TSNARE1: variants seen among roughly 807,000 people sequenced by gnomAD.
TSNARE1 encodes the protein t-SNARE domain containing 1.
Under a neutral mutation model 62.0 loss-of-function variants are expected in TSNARE1, and 49 were observed. That is an observed-to-expected ratio of 0.79 (90% CI 0.63 to 1.00). The LOEUF is 1.00. Among genes scored for constraint, TSNARE1 ranks in the 50% least tolerant of loss-of-function variants. The pLI, the probability that TSNARE1 is intolerant of heterozygous loss-of-function variation, is 0.00. For missense variants in TSNARE1, 755 were observed against 700.1 expected (o/e 1.08, Z -0.88); for synonymous variants, 328 against 294.4 (o/e 1.11, Z -1.17).
chr8:142,308,843 G>A (rs527948005), intron 9 of TSNARE1, among the ~76,000 whole-genome samples: 1 of 152,274 alleles, frequency 6.6e-6, no homozygotes, highest in East Asian at 1.9e-4. Flanking sequence ...TGAGCCTACA[G>A]ATTCACTGGG....
At chr8:142,224,848 A>G (rs1401444308) in intron 13 of TSNARE1, among the ~76,000 whole-genome samples, 2 of 152,136 alleles carry the variant, frequency 1.3e-5, no homozygotes, top group African/African-American at 4.8e-5. Context: ...GTCTGGGCAG[A>G]GCAGTCAGGA....
At chr8:142,398,998 A>T (rs1420660859) in intron 1 of TSNARE1, among the ~76,000 whole-genome samples, 1 of 152,240 alleles carries the variant, frequency 6.6e-6, no homozygotes, top group Admixed American at 6.5e-5. Flanking sequence ...CAGGCAGGAC[A>T]GCCACAGCTG....
chr8:142,317,470 T>C (rs1828763439), intron 7 of TSNARE1, among the ~76,000 whole-genome samples: 1 of 152,050 alleles, frequency 6.6e-6, no homozygotes, highest in Non-Finnish European at 1.5e-5. Context: ...ACTGTATACA[T>C]GAAGCAGGTA....
chr8:142,323,368 G>A (rs762354880), intron 6 of TSNARE1, among the ~76,000 whole-genome samples: 6 of 152,236 alleles, frequency 3.9e-5, no homozygotes, highest in African/African-American at 1.4e-4. Flanking sequence ...TGGGGCAGGC[G>A]AGGCGAGGAA....
intron 12 of TSNARE1, chr8:142,272,704 T>C: frequency 2.1e-6 from 2 of 949,758 alleles, no homozygotes; most frequent in Non-Finnish European, 2.4e-6. Flanking sequence ...CACAGAGGCC[T>C]CATCCCTCCT....
intron 4 of TSNARE1, among the ~76,000 whole-genome samples, chr8:142,333,137 C>T (rs1311202006): frequency 1.3e-5 from 2 of 152,228 alleles, no homozygotes; most frequent in African/African-American, 4.8e-5. Context: ...AGGGCCTGCC[C>T]TGTGCCTGGA....
chr8:142,278,638 A>C (rs1586972952), intron 11 of TSNARE1: 10 of 985,296 alleles, frequency 1.0e-5, no homozygotes, highest in Middle Eastern at 5.2e-4. Flanking sequence ...AGCCAGCGTC[A>C]CCCTTGGAGC....
intron 10 of TSNARE1, among the ~76,000 whole-genome samples, chr8:142,294,998 G>A (rs1220755601): frequency 1.3e-5 from 2 of 152,276 alleles, no homozygotes; most frequent in Admixed American, 6.5e-5. Context: ...TGGGAGGCTC[G>A]GGGCTCCAGC....
chr8:142,232,502 A>C (rs1201783960), intron 12 of TSNARE1, among the ~76,000 whole-genome samples: 1 of 152,238 alleles, frequency 6.6e-6, no homozygotes, highest in Non-Finnish European at 1.5e-5. Context: ...GCAGGGAGGC[A>C]AGGAAGCTGG....
rs566879710 is a variant in TSNARE1 at position 142,328,548 on chromosome 8, C to T, written c.893+2353G>A. On this transcript the variant is annotated intron_variant, in intron 6 of 13. Transcript: ENST00000524325. ...TCGTGGCAGGAGTGCTAACAGGCAG[C>T]ACCCCTTCTGCAGAAAGTAAAATTG... is the stretch of plus-strand genomic sequence containing the variant. Among the ~76,000 whole-genome samples the T allele has an allele frequency of 2.6e-5, 4 of 152,356 alleles. No individual in the cohort carries two copies. The South Asian group carries it at 8.3e-4, about 32-fold the overall frequency.
chr8:142,236,048 G>T (rs1022828981), intron 12 of TSNARE1, among the ~76,000 whole-genome samples: 1 of 152,154 alleles, frequency 6.6e-6, no homozygotes, highest in South Asian at 2.1e-4. Flanking sequence ...TCAGGGCAAG[G>T]ACTCCGCAGC....
At chr8:142,377,529 C>T (rs999161865) in intron 1 of TSNARE1, among the ~76,000 whole-genome samples, 2 of 152,184 alleles carry the variant, frequency 1.3e-5, no homozygotes, top group African/African-American at 2.4e-5. Flanking sequence ...GTCAGGGCAG[C>T]GTGCAGGAAG....
Position 142,291,596 on chromosome 8 carries a change from G to A in TSNARE1, c.1291-7111C>T, listed in dbSNP as rs1371176846. On this transcript the variant is annotated intron_variant, in intron 10 of 13. Coordinates refer to ENST00000524325, the MANE Select transcript of TSNARE1 (RefSeq NM_145003.5). This position sits in a 1 kb window ranked among gnomAD's most constrained non-coding sequence, Gnocchi z 4.8. ...CAGCAGCCACTGGGTGCCAGGCAGC[G>A]TCAGGCCGGTGAGCTGCTGCGAACG... 3.3e-5 allele frequency among the ~76,000 whole-genome samples: 5 copies of A among 149,854 alleles called. No individual in the cohort carries two copies. The highest frequency in any genetic ancestry group is 2.1e-4 in the East Asian group (1 of 4,788).
At chr8:142,272,402 A>AGAGGCCCCTCG (rs1819693672) in intron 12 of TSNARE1, among the ~76,000 whole-genome samples, 1 of 138,242 alleles carries the variant, frequency 7.2e-6, no homozygotes, top group African/African-American at 2.8e-5. Flanking sequence ...CCGCCCATCT[A>AGAGGCCCCTCG]CACCTTCCTC....
intron 12 of TSNARE1, among the ~76,000 whole-genome samples, chr8:142,267,288 A>C (rs767182654): frequency 5.9e-5 from 9 of 152,172 alleles, no homozygotes; most frequent in Non-Finnish European, 1.3e-4. Flanking sequence ...TCTTTTCTCC[A>C]GAACCTTCTT....
Position 142,354,656 on chromosome 8 carries a change from T to C in TSNARE1, c.69A>G (p.Arg23=). 2 of 1,613,014 alleles carry C rather than the reference T, an allele frequency of 1.2e-6. No individual in the cohort carries two copies. The highest frequency in any genetic ancestry group is 2.2e-5 in the South Asian group (2 of 91,002). The change falls in exon 2 of 14, where the codon AGA becomes AGG. Residue 23 remains arginine, a synonymous_variant. Transcript: ENST00000524325. ...GSRGPFGGPS[R]QGCQPLECAR... ...CATTACCTAGGGGCTGACAGCCTTG[T>C]CTCGAAGGTCCCCCGAAAGGGCCAC...
At chr8:142,357,979 G>C (rs572209286) in intron 1 of TSNARE1, among the ~76,000 whole-genome samples, 2 of 148,638 alleles carry the variant, frequency 1.3e-5, no homozygotes, top group African/African-American at 5.1e-5. Flanking sequence ...TTCAGGACAA[G>C]GGGAGCAGCC....
At chr8:142,214,700 T>C (rs1213276236) in intron 13 of TSNARE1, among the ~76,000 whole-genome samples, 3 of 152,110 alleles carry the variant, frequency 2.0e-5, no homozygotes, top group Non-Finnish European at 4.4e-5. Context: ...GGTGATGCTG[T>C]GAAGGGTGGG....
intron 1 of TSNARE1, among the ~76,000 whole-genome samples, chr8:142,401,909 C>T (rs1439224786): frequency 6.6e-6 from 1 of 152,154 alleles, no homozygotes; most frequent in Non-Finnish European, 1.5e-5. Context: ...CCAGTACTAA[C>T]AAACTTCAGC....
Sources: allele counts gnomAD v4.1 joint callset (sites outside exome capture counted in the v4.1 genomes callset), GRCh38; gene constraint gnomAD v4.1.1; non-coding constraint Gnocchi (gnomAD v3.1); transcripts MANE v1.5; gene names NCBI Gene and HGNC (gene_info 2026-07-23, HGNC 2026-07-21).